HPSE2: variants seen among roughly 807,000 people sequenced by gnomAD.
The protein encoded by HPSE2 is inactive heparanase-2.
In HPSE2, 38 loss-of-function variants were observed where a neutral mutation model predicts 60.5. That is an observed-to-expected ratio of 0.63 (90% CI 0.48 to 0.82). HPSE2 has a LOEUF of 0.82. Ranked by LOEUF, HPSE2 falls within the 40% of genes least tolerant of loss-of-function variation. The pLI, the probability that HPSE2 is intolerant of heterozygous loss-of-function variation, is 0.00. For missense variants in HPSE2, 713 were observed against 740.4 expected (o/e 0.96, Z 0.43); for synonymous variants, 295 against 293.2 (o/e 1.01, Z -0.06).
At chr10:99,003,688 C>A (rs1267698875) in intron 3 of HPSE2, among the ~76,000 whole-genome samples, 1 of 151,998 alleles carries the variant, frequency 6.6e-6, no homozygotes, top group East Asian at 1.9e-4. Flanking sequence ...TCTCTTCTTG[C>A]TATTGAGTTG....
chr10:99,237,597 G>C (rs1454816816), upstream of HPSE2, among the ~76,000 whole-genome samples: 4 of 152,190 alleles, frequency 2.6e-5, no homozygotes, highest in Non-Finnish European at 4.4e-5. Context: ...GAAAGCAAAT[G>C]CAAGTCATAT....
intron 3 of HPSE2, among the ~76,000 whole-genome samples, chr10:98,871,844 G>A (rs1952740690): frequency 6.6e-6 from 1 of 152,180 alleles, no homozygotes. Flanking sequence ...AATCAAACTG[G>A]AGACTGTATC....
chr10:98,827,663 A>C (rs182745369), intron 3 of HPSE2, among the ~76,000 whole-genome samples: 1 of 152,240 alleles, frequency 6.6e-6, no homozygotes, highest in Non-Finnish European at 1.5e-5. Context: ...GGTAGTCAAA[A>C]GACTGGAGAA....
At chr10:98,637,289 CA>C (rs757221511) in intron 7 of HPSE2, among the ~76,000 whole-genome samples, 22 of 151,834 alleles carry the variant, frequency 1.4e-4, no homozygotes, top group Non-Finnish European at 2.1e-4. Flanking sequence ...TTTCAGGTGC[CA>C]AAAATATCAC....
At chr10:98,820,576 G>A (rs1244674014) in intron 3 of HPSE2, among the ~76,000 whole-genome samples, 1 of 152,142 alleles carries the variant, frequency 6.6e-6, no homozygotes, top group Non-Finnish European at 1.5e-5. Flanking sequence ...TGCCTGTATG[G>A]CCTTCTATCA....
chr10:99,125,082 G>A (rs956719696), intron 3 of HPSE2, among the ~76,000 whole-genome samples: 5 of 152,156 alleles, frequency 3.3e-5, no homozygotes, highest in Admixed American at 2.0e-4. Context: ...AAGTTGAATC[G>A]GGGTATTTTG....
intron 4 of HPSE2, among the ~76,000 whole-genome samples, chr10:98,729,287 G>C (rs1246296038): frequency 1.3e-5 from 2 of 152,106 alleles, no homozygotes; most frequent in African/African-American, 4.8e-5. Flanking sequence ...AATACAAACA[G>C]ATTGAAGGTA....
intron 3 of HPSE2, among the ~76,000 whole-genome samples, chr10:99,092,831 G>T (rs534474338): frequency 6.6e-6 from 1 of 152,252 alleles, no homozygotes; most frequent in South Asian, 2.1e-4. Flanking sequence ...TAACGTAACT[G>T]CTTTTGTGGT....
At chr10:99,145,468 A>AAG (rs1554899520) in intron 2 of HPSE2, among the ~76,000 whole-genome samples, 5 of 150,760 alleles carry the variant, frequency 3.3e-5, no homozygotes, top group Non-Finnish European at 7.4e-5. Flanking sequence ...AAAAAAAAAA[A>AAG]AAGAAGAAGA....
chr10:98,489,734 C>G (rs1941571904), intron 10 of HPSE2, among the ~76,000 whole-genome samples: 1 of 152,166 alleles, frequency 6.6e-6, no homozygotes, highest in South Asian at 2.1e-4. Flanking sequence ...CACAAAAAAG[C>G]CTCATGGGCA....
intron 3 of HPSE2, among the ~76,000 whole-genome samples, chr10:98,789,403 TAA>T (rs887595273): frequency 3.9e-5 from 6 of 152,148 alleles, no homozygotes; most frequent in Non-Finnish European, 7.3e-5. Flanking sequence ...AAATCCTGAG[TAA>T]GAGTCTGGGT....
At chr10:98,850,630 G>A (rs947570510) in intron 3 of HPSE2, among the ~76,000 whole-genome samples, 4 of 151,510 alleles carry the variant, frequency 2.6e-5, no homozygotes, top group South Asian at 2.1e-4. Context: ...CCAGCTACTC[G>A]GGAGGCTGAG....
At chr10:99,302,886 C>A in the HPSE2 span, among the ~76,000 whole-genome samples, 3 of 150,900 alleles carry the variant, frequency 2.0e-5, no homozygotes, top group African/African-American at 7.3e-5. Flanking sequence ...GGACTGGCAA[C>A]TAGATTTTAC....
intron 3 of HPSE2, among the ~76,000 whole-genome samples, chr10:98,916,310 G>A (rs1954118384): frequency 6.6e-6 from 1 of 152,130 alleles, no homozygotes; most frequent in South Asian, 2.1e-4. Context: ...ATGAAATACT[G>A]GTACAAGAGA....
intron 9 of HPSE2, among the ~76,000 whole-genome samples, chr10:98,575,593 C>T (rs187629023): frequency 3.2e-4 from 49 of 152,240 alleles, no homozygotes; most frequent in Non-Finnish European, 5.3e-4. Context: ...CTCACAACAG[C>T]CTTATAATGT....
chr10:98,700,636 T>A (rs1948380019), intron 5 of HPSE2, among the ~76,000 whole-genome samples: 1 of 91,016 alleles, frequency 1.1e-5, no homozygotes, highest in Non-Finnish European at 2.6e-5. Flanking sequence ...AAGCCAAAAT[T>A]GACAAATGGG....
At chr10:98,771,413 A>G (rs1259353114) in intron 3 of HPSE2, among the ~76,000 whole-genome samples, 1 of 152,074 alleles carries the variant, frequency 6.6e-6, no homozygotes, top group Non-Finnish European at 1.5e-5. Context: ...ACCCTTCCCT[A>G]ATAAGAGGTA....
intron 2 of HPSE2, among the ~76,000 whole-genome samples, chr10:99,189,631 T>C (rs907132308): frequency 2.6e-5 from 4 of 152,204 alleles, no homozygotes; most frequent in African/African-American, 9.7e-5. Context: ...CCAAAGTTGG[T>C]GTCCCGAAAG....
chr10:98,751,804 T>A (rs1949764420), intron 3 of HPSE2, among the ~76,000 whole-genome samples: 1 of 152,102 alleles, frequency 6.6e-6, no homozygotes, highest in African/African-American at 2.4e-5. Flanking sequence ...CTATTTGGGG[T>A]TGGGTTAATA....
Sources: gnomAD v4.1 joint callset for allele counts (sites outside exome capture counted in the v4.1 genomes callset) on GRCh38, gnomAD v4.1.1 for gene constraint, MANE v1.5 for transcripts, NCBI Gene and HGNC (gene_info 2026-07-23, HGNC 2026-07-21) for gene names.